The following PIGR variants were observed in gnomAD, a reference collection of about 807,000 sequenced individuals.
PIGR encodes hepatocellular carcinoma associated protein TB6.
In PIGR, 22 loss-of-function variants were observed where a neutral mutation model predicts 69.5. The ratio of observed to expected loss-of-function variants is 0.32; its 90% CI spans 0.23 to 0.45. The LOEUF is 0.45. Ranked by LOEUF, PIGR falls within the 20% of genes least tolerant of loss-of-function variation. The pLI, the probability that PIGR is intolerant of heterozygous loss-of-function variation, is 1.00. For synonymous variants in PIGR, 413 were observed against 407.6 expected (o/e 1.01, Z -0.16); for missense variants, 885 against 974.0 (o/e 0.91, Z 1.22).
Position 206,939,167 on chromosome 1 carries a change from T to A in PIGR, c.340A>T (p.Ile114Phe). The A allele has an allele frequency of 1.2e-6, 2 of 1,614,060 alleles. No individual in the cohort carries two copies. The highest frequency in any genetic ancestry group is 1.7e-6 in the Non-Finnish European group (2 of 1,179,922). Residue 114 changes from isoleucine to phenylalanine, a missense_variant, in exon 3 of 11, where the codon ATC becomes TTC. Physicochemically the swap from Ile to Phe is conservative, Grantham distance 21. Coordinates refer to ENST00000356495, the MANE Select transcript of PIGR (RefSeq NM_002644.4). ...TCAAAGGACAGGCCTCGGCTATTGA[T>A]GCCCAGGCCACACTTGTAGCGCCCG... ...DSGRYKCGLGINSRGLSFDVS... is the reference protein window; with the variant it reads ...DSGRYKCGLGFNSRGLSFDVS...
At chr1:206,933,400 C>T (rs535936546) in intron 6 of PIGR, among the ~76,000 whole-genome samples, 22 of 152,294 alleles carry the variant, frequency 1.4e-4, no homozygotes, top group South Asian at 2.1e-4. Flanking sequence ...TTCAAGGCTT[C>T]GTGTCATAGA....
chr1:206,939,753 GTC>G (rs1207842637), intron 2 of PIGR, among the ~76,000 whole-genome samples: 2 of 152,206 alleles, frequency 1.3e-5, no homozygotes, highest in East Asian at 3.8e-4. Flanking sequence ...TTGAGACAAA[GTC>G]TCTCTCTGTC....
intron 1 of PIGR, among the ~76,000 whole-genome samples, chr1:206,941,040 G>T (rs554552923): frequency 6.6e-6 from 1 of 152,338 alleles, no homozygotes; most frequent in South Asian, 2.1e-4. Flanking sequence ...GAGACCCACA[G>T]AGGAGGTGTC....
rs377595528 is a variant in PIGR, at chr1:206,934,604, G to A, written c.1521C>T (p.Pro507=). ...KWNNTGCQAL[P]SQDEGPSKAF... ...CCTTGCTGGGGCCTTCGTCTTGGCTGGGCAGGGCCTGGCAGCCCGTGTTAT... is the reference window on the plus strand; with the variant it reads ...CCTTGCTGGGGCCTTCGTCTTGGCTAGGCAGGGCCTGGCAGCCCGTGTTAT... Residue 507 remains proline (P), a synonymous_variant, in exon 6 of 11, where the codon CCC becomes CCT. Coordinates refer to ENST00000356495, the MANE Select transcript of PIGR (RefSeq NM_002644.4). 6.2e-7 allele frequency: 1 copy of A among 1,614,094 alleles called. No homozygotes were observed. The highest frequency in any genetic ancestry group is 8.5e-7 in the Non-Finnish European group (1 of 1,180,044).
intron 3 of PIGR, among the ~76,000 whole-genome samples, 161 bp downstream of exon 3, chr1:206,938,958 C>T (rs976083873): frequency 8.5e-5 from 13 of 152,200 alleles, no homozygotes; most frequent in African/African-American, 2.9e-4. Flanking sequence ...CTATCTGTCT[C>T]CTTCTCCTGT....
chr1:206,935,931 C>T lies in PIGR; in HGVS notation c.1046-113G>A, dbSNP rs537073809. ...GCCAGGATGGGGAGTGAAGTTTACA[C>T]GCATCACCTTACCCTCTTCAGAAAA... is the stretch of plus-strand genomic sequence containing the variant. On this transcript the variant is annotated intron_variant, in intron 4 of 10. Coordinates refer to ENST00000356495, the MANE Select transcript of PIGR (RefSeq NM_002644.4). The surrounding 1 kb of genome is among the most constrained non-coding windows in gnomAD (Gnocchi z 4.4). 338 of 711,212 alleles carry T rather than the reference C, an allele frequency of 4.8e-4. 3 individuals carry two copies. The African/African-American group carries it at 5.4e-3, about 11-fold the overall frequency. The allele number at this position is 711,212 out of a possible 1,614,324, so 44.1% of individuals were successfully genotyped here.
At chr1:206,939,498 C>T (rs748771915) in intron 2 of PIGR, 35 bp from the exon 3 acceptor site, 2 of 1,486,894 alleles carry the variant, frequency 1.3e-6, no homozygotes, top group East Asian at 2.3e-5. Flanking sequence ...TTCTGAGGCC[C>T]TTGGGAGGTA....
In PIGR at chr1:206,935,635, T is replaced by A. The variant is rs1679848037; in HGVS notation, c.1229A>T (p.Glu410Val). Residue 410 changes from glutamate (E) to valine (V), a missense_variant, in exon 5 of 11, where the codon GAG (glutamate) becomes GTG (valine). Glu to Val is a moderately radical substitution (Grantham distance 121). Transcript: ENST00000356495. This position sits in a 1 kb window ranked among gnomAD's most constrained non-coding sequence, Gnocchi z 4.4. ...CTCCTCCAGCAGGGAGAGGCGGCCC[T>A]CGTACTGGGCCTTAACCCACCCCTC... ...DSEGWVKAQY[E>V]GRLSLLEEPG... is the part of the protein sequence containing the mutation. 6.2e-7 allele frequency: 1 copy of A among 1,613,912 alleles called. No homozygotes were observed. Among genetic ancestry groups the A allele is most frequent in the Non-Finnish European group, 8.5e-7 (1 of 1,179,956 alleles).
intron 7 of PIGR, among the ~76,000 whole-genome samples, 162 bp downstream of exon 7, chr1:206,932,824 G>A (rs1679783562): frequency 6.6e-6 from 1 of 152,192 alleles, no homozygotes; most frequent in Non-Finnish European, 1.5e-5. Flanking sequence ...TGGGAGAAGG[G>A]CAGAGGGTAC....
chr1:206,936,731 C>A (rs867296178), intron 4 of PIGR, among the ~76,000 whole-genome samples: 1 of 152,286 alleles, frequency 6.6e-6, no homozygotes. Context: ...GGATGAGGCA[C>A]CCATCTTGTT....
chr1:206,933,432 C>A (rs1679801341), intron 6 of PIGR, among the ~76,000 whole-genome samples: 1 of 152,168 alleles, frequency 6.6e-6, no homozygotes. Context: ...TAAAGGCTGA[C>A]CCATCACTTA....
rs1680011485 is a variant in PIGR at position 206,942,668 on chromosome 1, G to T, written c.-53-2084C>A. 2.0e-5 allele frequency among the ~76,000 whole-genome samples: 3 copies of T among 152,224 alleles called. No homozygotes were observed. The South Asian group carries it at 6.2e-4, about 32-fold the overall frequency. ...CTGGACTTGGCCTGGGTTGCAGAGA[G>T]TCAGATGCCAGCTTCTCCAAGGTGA... On this transcript the variant is annotated intron_variant, in intron 1 of 10. Transcript: ENST00000356495.
In PIGR at chr1:206,934,456, C is replaced by G. The variant is rs771298522; in HGVS notation, c.1669G>C (p.Ala557Pro). Reference sequence around the variant, plus strand: ...CTCTCTTCAACTGCCACATAGACGGCTGCAGTCTCTCCATAGAAGTGGCCC... The same window carrying G: ...CTCTCTTCAACTGCCACATAGACGGGTGCAGTCTCTCCATAGAAGTGGCCC... ...KQGHFYGETA[A>P]VYVAVEERKA... The change falls in exon 6 of 11, where the codon GCC (alanine) becomes CCC (proline). Residue 557 changes from alanine to proline, a missense_variant. Coordinates refer to ENST00000356495, the MANE Select transcript of PIGR (RefSeq NM_002644.4). The G allele has an allele frequency of 1.2e-6, 2 of 1,614,168 alleles. No individual in the cohort carries two copies. Among genetic ancestry groups the G allele is most frequent in the Non-Finnish European group, 1.7e-6 (2 of 1,179,994 alleles).
intron 1 of PIGR, among the ~76,000 whole-genome samples, chr1:206,945,871 T>A (rs927231939): frequency 2.6e-5 from 4 of 152,242 alleles, no homozygotes; most frequent in African/African-American, 9.6e-5. Flanking sequence ...TTCTAGAGGT[T>A]ACAAAGCTAT....
At position 206,931,753 on chromosome 1, in the gene PIGR, G is replaced by A. The variant is rs200232991; in HGVS notation, c.2058C>T (p.Phe686=). The A allele has an allele frequency of 5.0e-6, 8 of 1,614,116 alleles. No homozygotes were observed. The highest frequency in any genetic ancestry group is 2.2e-5 in the South Asian group (2 of 91,082). The change falls in exon 9 of 11, where the codon TTC becomes TTT. Residue 686 remains phenylalanine, a synonymous_variant. Coordinates refer to ENST00000356495, the MANE Select transcript of PIGR (RefSeq NM_002644.4). Reference sequence around the variant, plus strand: ...TGGCTCCAAATTCCCTGGAGTTCTCGAAGTCTGACATGCTAATGTCTGTCC... The same window carrying A: ...TGGCTCCAAATTCCCTGGAGTTCTCAAAGTCTGACATGCTAATGTCTGTCC... ...SYRTDISMSD[F]ENSREFGAND... is the part of the protein sequence containing the mutation.
rs371067254 is a variant in PIGR at position 206,937,340 on chromosome 1, G to T, written c.800C>A (p.Ala267Asp). 5 of 1,613,036 alleles carry T rather than the reference G, an allele frequency of 3.1e-6. No homozygotes were observed. The highest frequency in any genetic ancestry group is 1.7e-5 in the Admixed American group (1 of 59,936). The change falls in exon 4 of 11, where the codon GCC (alanine) becomes GAC (aspartate). Residue 267 changes from alanine to aspartate, a missense_variant. Ala to Asp is a moderately radical substitution (Grantham distance 126). Coordinates refer to ENST00000356495, the MANE Select transcript of PIGR (RefSeq NM_002644.4). ...ACTGCTCTGTCGGCACAGAAATTTG[G>T]CCACGTTTGCCACCTCAGGGCCCAG... ...CALGPEVANV[A>D]KFLCRQSSGE...
At chr1:206,933,223 G>A (rs1219382902) in intron 6 of PIGR, 57 bp from the exon 7 acceptor site, 15 of 1,546,044 alleles carry the variant, frequency 9.7e-6, no homozygotes, top group Middle Eastern at 1.7e-4. Context: ...CTTACTCCTC[G>A]AGGTGAAGGA....
Position 206,935,988 on chromosome 1 carries a change from T to A in PIGR, c.1046-170A>T, listed in dbSNP as rs191257853. Among the ~76,000 whole-genome samples, 40 of 152,268 alleles carry A rather than the reference T, an allele frequency of 2.6e-4. No homozygotes were observed. The highest frequency in any genetic ancestry group is 9.4e-4 in the African/African-American group (39 of 41,564). ...GGAGCTTTCCTAATGTCACAGAGCC[T>A]GCAGCTGGAGCCATCAGGGCCAGAC... On this transcript the variant is annotated intron_variant, in intron 4 of 10. Transcript: ENST00000356495. The surrounding 1 kb of genome is among the most constrained non-coding windows in gnomAD (Gnocchi z 4.4).
At position 206,931,535 on chromosome 1, in the gene PIGR, T is replaced by G; in HGVS notation, c.2161A>C (p.Ser721Arg). 1.2e-6 allele frequency: 2 copies of G among 1,614,146 alleles called. No individual in the cohort carries two copies. Among genetic ancestry groups the G allele is most frequent in the Non-Finnish European group, 1.7e-6 (2 of 1,180,018 alleles). The stretch of plus-strand genomic sequence containing the variant: ...TTGGGTTCTTTGGTCTCTGTGGTGC[T>G]CTCAGTGGTGGCAACAAACTCTGTG... ...GKEEFVATTE[S>R]TTETKEPKKA... Residue 721 changes from serine (S) to arginine (R), a missense_variant, in exon 10 of 11, where the codon AGC (serine) becomes CGC (arginine). By Grantham distance (110) the Ser-to-Arg change is moderately radical. Transcript: ENST00000356495.
Sources: allele counts gnomAD v4.1 joint callset (sites outside exome capture counted in the v4.1 genomes callset), GRCh38; gene constraint gnomAD v4.1.1; non-coding constraint Gnocchi (gnomAD v3.1); transcripts MANE v1.5; gene names NCBI Gene and HGNC (gene_info 2026-07-23, HGNC 2026-07-21).